Variants in SNAPC4 observed in about 807,000 individuals in gnomAD.
SNAPC4 encodes the protein small nuclear RNA activating complex polypeptide 4, also known as snRNA-activating protein complex subunit 4.
Under a neutral mutation model 151.3 loss-of-function variants are expected in SNAPC4, and 127 were observed. The ratio of observed to expected loss-of-function variants is 0.84; its 90% CI spans 0.73 to 0.97. The LOEUF is 0.97. Among genes scored for constraint, SNAPC4 ranks in the 50% least tolerant of loss-of-function variants. SNAPC4 has a pLI of 0.00. For missense variants in SNAPC4, 2,186 were observed against 1,935.0 expected (o/e 1.13, Z -2.43); for synonymous variants, 1,002 against 824.4 (o/e 1.22, Z -3.69).
Position 136,379,093 on chromosome 9 carries a change from G to A in SNAPC4, c.2734C>T (p.Arg912Trp), listed in dbSNP as rs549370367. The A allele has an allele frequency of 6.0e-5, 94 of 1,564,234 alleles. No homozygotes were observed. The highest frequency in any genetic ancestry group is 3.4e-4 in the Middle Eastern group (2 of 5,930). ...TGGGACGGGAGCACCACCGGGCCCC[G>A]GGTGGCCTCCCTGGCACGGGCCTCC... is the stretch of plus-strand genomic sequence containing the variant. ...LQEARAREATRGPVVLPSQLL... is the reference protein window; with the variant it reads ...LQEARAREATWGPVVLPSQLL... The change falls in exon 22 of 24, where the codon CGG becomes TGG. Residue 912 changes from arginine (R) to tryptophan (W), a missense_variant. Transcript: ENST00000684778.
rs1833935082 is a variant in SNAPC4 at position 136,387,669 on chromosome 9, G to C, written c.1230+73C>G. ...AACCCAGTCAGAGAAGGGACCACTG[G>C]GGCACAGCAGCCGCTGAACACAGCC... On this transcript the variant is annotated intron_variant, in intron 12 of 23. Transcript: ENST00000684778. The C allele has an allele frequency of 2.2e-6, 3 of 1,365,788 alleles. No homozygotes were observed. The East Asian group carries it at 6.9e-5, about 31-fold the overall frequency. The allele number at this position is 1,365,788 out of a possible 1,614,324, so 84.6% of individuals were successfully genotyped here. A position where few individuals can be genotyped will look rare whatever the true frequency, so the allele number is the denominator to read the frequency against.
In SNAPC4 at chr9:136,397,039, G is replaced by A. The variant is rs986354130; in HGVS notation, c.131-16C>T. On this transcript the variant is annotated splice_polypyrimidine_tract_variant and intron_variant, in intron 2 of 23. Transcript: ENST00000684778. Reference sequence around the variant, plus strand: ...GGCAGTGAATCTGTCAGAAACACAAGCAACACCGTGTTGGTAACCAGCGTC... The same window carrying A: ...GGCAGTGAATCTGTCAGAAACACAAACAACACCGTGTTGGTAACCAGCGTC... 8 of 1,611,260 alleles carry A rather than the reference G, an allele frequency of 5.0e-6. No homozygotes were observed. The African/African-American group carries it at 6.7e-5, about 13-fold the overall frequency.
At chr9:136,385,562 CTT>C (rs1554780168) in intron 13 of SNAPC4, among the ~76,000 whole-genome samples, 432 of 111,374 alleles carry the variant, frequency 3.9e-3, no homozygotes, top group African/African-American at 0.012. Context: ...ACTCCCCCCC[CTT>C]TTGTTTTTTT....
At chr9:136,388,796 G>A (rs527277721) in intron 10 of SNAPC4, among the ~76,000 whole-genome samples, 8 of 152,260 alleles carry the variant, frequency 5.3e-5, no homozygotes, top group African/African-American at 1.9e-4. Context: ...AATAGGACCA[G>A]GAAGGACCAG....
intron 19 of SNAPC4, 146 bp downstream of exon 19, chr9:136,381,176 C>T: frequency 1.4e-6 from 1 of 713,910 alleles, no homozygotes; most frequent in Non-Finnish European, 2.5e-6. Flanking sequence ...CACTTGCTAA[C>T]AGTGTAAGGC....
At chr9:136,392,273 T>C (rs1834104489) in intron 9 of SNAPC4, among the ~76,000 whole-genome samples, 167 bp from the exon 10 acceptor site, 2 of 152,138 alleles carry the variant, frequency 1.3e-5, no homozygotes, top group Non-Finnish European at 2.9e-5. Flanking sequence ...ACATGTAGAC[T>C]TGGCTCCAGA....
chr9:136,394,192 G>A (rs1834177660), intron 7 of SNAPC4, 57 bp downstream of exon 7: 1 of 1,392,014 alleles, frequency 7.2e-7, no homozygotes, highest in Admixed American at 1.7e-5. Flanking sequence ...TGGGATTCCA[G>A]GCATGAGCCC....
At chr9:136,390,244 A>G (rs1397245554) in intron 10 of SNAPC4, among the ~76,000 whole-genome samples, 1 of 152,104 alleles carries the variant, frequency 6.6e-6, no homozygotes, top group African/African-American at 2.4e-5. Flanking sequence ...GGAAATGACG[A>G]TTTGTTAAAA....
At chr9:136,381,216 C>G in intron 19 of SNAPC4, 106 bp downstream of exon 19, 1 of 910,504 alleles carries the variant, frequency 1.1e-6, no homozygotes, top group East Asian at 2.4e-5. Flanking sequence ...GGCTAGAAAA[C>G]TTTAGATAGC....
Position 136,382,612 on chromosome 9 carries a change from G to A in SNAPC4, c.1984-276C>T, listed in dbSNP as rs147775294. ...CAGCAGCCCTTCCAGGTGACGCCCC[G>A]GCCTAGGGAGATGCTGGCTGTGCAG... On this transcript the variant is annotated intron_variant, in intron 16 of 23. Transcript: ENST00000684778. Among the ~76,000 whole-genome samples the A allele has an allele frequency of 1.3e-4, 20 of 152,324 alleles. No homozygotes were observed. In the East Asian group the frequency reaches 1.9e-3, roughly 15 times the overall value.
At chr9:136,380,307 G>A (rs1051858194) in intron 20 of SNAPC4, among the ~76,000 whole-genome samples, 4 of 152,108 alleles carry the variant, frequency 2.6e-5, no homozygotes, top group Non-Finnish European at 4.4e-5. Context: ...GAGGCGGGGG[G>A]GCTGGAAGCA....
chr9:136,379,204 G>A lies in SNAPC4; in HGVS notation c.2623C>T (p.Leu875=). ...GAAGCCAGCAGGGACGCCTGGGGTA[G>A]GGTGCGCTCCACCCGGCTGGACGCC... ...RLASSRVERT[L]PQASLLASTG... is the part of the protein sequence containing the mutation. Residue 875 remains leucine (L), a synonymous_variant, in exon 22 of 24, where the codon CTA becomes TTA. Coordinates refer to ENST00000684778, the MANE Select transcript of SNAPC4 (RefSeq NM_003086.4). The A allele has an allele frequency of 3.1e-6, 5 of 1,609,888 alleles. No individual in the cohort carries two copies. The highest frequency in any genetic ancestry group is 4.2e-6 in the Non-Finnish European group (5 of 1,178,934).
At chr9:136,395,544 C>A in intron 4 of SNAPC4, 59 bp downstream of exon 4, 1 of 1,555,036 alleles carries the variant, frequency 6.4e-7, no homozygotes. Flanking sequence ...GGAGGCCCAG[C>A]TGTGGGGGGC....
In SNAPC4 at chr9:136,378,320, G is replaced by GC. The variant is rs1013087660; in HGVS notation, c.3506dup (p.Ser1170GlnfsTer17). 5.0e-6 allele frequency: 8 copies of GC among 1,604,496 alleles called. No homozygotes were observed. The highest frequency in any genetic ancestry group is 6.8e-6 in the Non-Finnish European group (8 of 1,176,168). ...CCTCTCCAGGGACAAAGGCCACACT[G>GC]CCATCCGCTTCTGCAGGACTTTGGG... is the stretch of plus-strand genomic sequence containing the variant. On this transcript the variant is annotated frameshift_variant, in exon 22 of 24. Coordinates refer to ENST00000684778, the MANE Select transcript of SNAPC4 (RefSeq NM_003086.4). LOFTEE classifies it high-confidence loss of function.
chr9:136,378,991 T>C lies in SNAPC4; in HGVS notation c.2836A>G (p.Thr946Ala). ...CCAGAGAGCGGTACATTTAAGACGG[T>C]GGGACCCGGGGCTGGGCGGCCGTGT... ...TPHGRPAPGP[T>A]VLNVPLSGPG... The change falls in exon 22 of 24, where the codon ACC becomes GCC. Residue 946 changes from threonine (T) to alanine (A), a missense_variant. By Grantham distance (58) the Thr-to-Ala change is moderately conservative (BLOSUM62 0). Coordinates refer to ENST00000684778, the MANE Select transcript of SNAPC4 (RefSeq NM_003086.4). The C allele has an allele frequency of 6.2e-6, 10 of 1,607,734 alleles. No homozygotes were observed. Among genetic ancestry groups the C allele is most frequent in the East Asian group, 2.2e-5 (1 of 44,658 alleles).
intron 13 of SNAPC4, 37 bp from the exon 14 acceptor site, chr9:136,384,851 G>T: frequency 8.6e-7 from 1 of 1,157,846 alleles, no homozygotes; most frequent in African/African-American, 1.5e-5. Context: ...CGTTTTAGAT[G>T]CCGAGACGCC....
At chr9:136,380,025 A>G (rs1366187272) in intron 20 of SNAPC4, among the ~76,000 whole-genome samples, 161 bp from the exon 21 acceptor site, 1 of 152,190 alleles carries the variant, frequency 6.6e-6, no homozygotes, top group Non-Finnish European at 1.5e-5. Flanking sequence ...CTCCGGGGCC[A>G]CAGAAGGAGC....
Position 136,399,468 on chromosome 9 carries a change from G to A in SNAPC4, c.-10+666C>T, listed in dbSNP as rs542346429. ...CGGGCCGGCGGAGACGCTTTCCTCT[G>A]GAAGCCTCACACGAGGCTGCTGCCT... On this transcript the variant is annotated intron_variant, in intron 1 of 23. Transcript: ENST00000684778. Among the ~76,000 whole-genome samples, 5 of 152,342 alleles carry A rather than the reference G, an allele frequency of 3.3e-5. No individual in the cohort carries two copies. The East Asian group carries it at 9.7e-4, about 29-fold the overall frequency.
At chr9:136,385,696 C>T (rs1236606985) in intron 13 of SNAPC4, among the ~76,000 whole-genome samples, 2 of 152,070 alleles carry the variant, frequency 1.3e-5, no homozygotes, top group Non-Finnish European at 2.9e-5. Flanking sequence ...GCTGGGATTA[C>T]AGGTGCCCAC....
Sources: allele counts gnomAD v4.1 joint callset (sites outside exome capture counted in the v4.1 genomes callset), GRCh38; gene constraint gnomAD v4.1.1; transcripts MANE v1.5; gene names NCBI Gene and HGNC (gene_info 2026-07-23, HGNC 2026-07-21).